RIMS1: variants seen among roughly 807,000 people sequenced by gnomAD.
RIMS1 encodes the protein regulating synaptic membrane exocytosis 1.
In RIMS1, 83 loss-of-function variants were observed where a neutral mutation model predicts 214.1. The observed-to-expected ratio is 0.39, with a 90% CI of 0.32 to 0.47. RIMS1 has a LOEUF of 0.47. Among genes scored for constraint, RIMS1 ranks in the 20% least tolerant of loss-of-function variants. RIMS1 has a pLI of 0.99. For synonymous variants in RIMS1, 793 were observed against 786.8 expected, an observed-to-expected ratio of 1.01 and a Z score of -0.13; for missense variants, 2,050 against 2,161.8, an observed-to-expected ratio of 0.95 and a Z score of 1.03.
chr6:72,245,811 T>A lies in RIMS1; in HGVS notation c.2082-4T>A. 6.2e-7 allele frequency: 1 copy of A among 1,607,792 alleles called. No individual in the cohort carries two copies. Among genetic ancestry groups the A allele is most frequent in the African/African-American group, 1.3e-5 (1 of 74,854 alleles). On this transcript the variant is annotated splice_region_variant and splice_polypyrimidine_tract_variant and intron_variant, in intron 10 of 33. Transcript: ENST00000521978. ...GGATTTTCACCATATCCTGTTTCTTTTAGTGACATTCCCCGGATTCCTGAG... is the reference window on the plus strand; with the variant it reads ...GGATTTTCACCATATCCTGTTTCTTATAGTGACATTCCCCGGATTCCTGAG...
intron 29 of RIMS1, among the ~76,000 whole-genome samples, chr6:72,386,956 G>A (rs557544166): frequency 6.6e-6 from 1 of 151,762 alleles, no homozygotes; most frequent in African/African-American, 2.4e-5. Flanking sequence ...GGATGGTCTC[G>A]ATCTCCTGAC....
chr6:72,256,430 T>C (rs1456116517), intron 16 of RIMS1, among the ~76,000 whole-genome samples: 1 of 152,140 alleles, frequency 6.6e-6, no homozygotes, highest in African/African-American at 2.4e-5. Flanking sequence ...GAGGCATTAA[T>C]TTCTATATAA....
intron 1 of RIMS1, 59 bp downstream of exon 1, chr6:71,887,246 C>G: frequency 6.4e-7 from 1 of 1,552,856 alleles, no homozygotes; most frequent in Non-Finnish European, 8.7e-7. Context: ...CCATTCACCA[C>G]TCACTCCCCT....
At chr6:72,331,326 T>C (rs1388441869) in intron 28 of RIMS1, among the ~76,000 whole-genome samples, 1 of 151,808 alleles carries the variant, frequency 6.6e-6, no homozygotes, top group Non-Finnish European at 1.5e-5. Context: ...TACATGTTAA[T>C]TAATTCATAC....
At chr6:72,024,088 T>G (rs1341377300) in intron 2 of RIMS1, among the ~76,000 whole-genome samples, 1 of 152,160 alleles carries the variant, frequency 6.6e-6, no homozygotes, top group Non-Finnish European at 1.5e-5. Context: ...CTAATTAGCT[T>G]TAAAGGAAAT....
intron 2 of RIMS1, among the ~76,000 whole-genome samples, chr6:72,052,687 T>A (rs556778): frequency 0.56 from 85,775 of 152,054 alleles, 25,206 homozygotes; most frequent in African/African-American, 0.75. Flanking sequence ...AATATGAGAT[T>A]TACTGAGGTT....
At chr6:72,014,994 G>T (rs1033869948) in intron 2 of RIMS1, among the ~76,000 whole-genome samples, 3 of 152,118 alleles carry the variant, frequency 2.0e-5, no homozygotes, top group African/African-American at 7.2e-5. Context: ...AGAAATAAAA[G>T]TTGAATATCC....
At chr6:71,939,225 T>C (rs894769029) in intron 1 of RIMS1, among the ~76,000 whole-genome samples, 6 of 152,228 alleles carry the variant, frequency 3.9e-5, no homozygotes, top group African/African-American at 1.2e-4. Flanking sequence ...GAATGGCCTT[T>C]GCTTTCCATA....
At chr6:71,926,044 C>T (rs535849315) in intron 1 of RIMS1, among the ~76,000 whole-genome samples, 2 of 152,254 alleles carry the variant, frequency 1.3e-5, no homozygotes, top group Admixed American at 1.3e-4. Flanking sequence ...TCAACCGTTA[C>T]TCTCAAAAGT....
intron 1 of RIMS1, among the ~76,000 whole-genome samples, chr6:71,896,014 A>G (rs538151803): frequency 6.6e-6 from 1 of 152,288 alleles, no homozygotes; most frequent in African/African-American, 2.4e-5. Context: ...GTATTGCAAT[A>G]TATTGGAGCT....
At chr6:72,085,368 G>A (rs76458289) in intron 2 of RIMS1, among the ~76,000 whole-genome samples, 1,631 of 152,152 alleles carry the variant, frequency 0.011, 26 homozygotes, top group African/African-American at 0.037. Flanking sequence ...ACACTGTGAT[G>A]CTTTTTAAAA....
intron 2 of RIMS1, among the ~76,000 whole-genome samples, chr6:72,040,857 C>T (rs1448828732): frequency 6.6e-6 from 1 of 151,552 alleles, no homozygotes; most frequent in East Asian, 1.9e-4. Context: ...TTCAGATGTT[C>T]AAAGATGTAA....
At chr6:72,048,158 A>T (rs1823594579) in intron 2 of RIMS1, among the ~76,000 whole-genome samples, 1 of 152,214 alleles carries the variant, frequency 6.6e-6, no homozygotes, top group African/African-American at 2.4e-5. Context: ...AGCACAAAGT[A>T]AGTATTTAAA....
Position 72,192,833 on chromosome 6 carries a change from C to A in RIMS1, c.1678+9684C>A, listed in dbSNP as rs755068943. On this transcript the variant is annotated intron_variant, in intron 6 of 33. Transcript: ENST00000521978. ...TCATGTTCTTCTACCTGCTTTTATTCTGGCTGTGCTGGCAGCTTATGAGAT... is the reference window on the plus strand; with the variant it reads ...TCATGTTCTTCTACCTGCTTTTATTATGGCTGTGCTGGCAGCTTATGAGAT... Among the ~76,000 whole-genome samples the A allele has an allele frequency of 5.3e-5, 8 of 152,316 alleles. No individual in the cohort carries two copies. In the South Asian group the frequency reaches 1.7e-3, roughly 32 times the overall value.
chr6:72,272,971 C>T (rs2084220168), intron 22 of RIMS1, among the ~76,000 whole-genome samples: 1 of 152,110 alleles, frequency 6.6e-6, no homozygotes, highest in African/African-American at 2.4e-5. Context: ...AAAGTTAATG[C>T]AAAATGTTAT....
chr6:71,951,350 C>G (rs1333339059), intron 1 of RIMS1, among the ~76,000 whole-genome samples: 2 of 152,098 alleles, frequency 1.3e-5, no homozygotes, highest in African/African-American at 4.8e-5. Flanking sequence ...GACAACATTG[C>G]CATCACTGTA....
In RIMS1 at chr6:72,081,634, T is replaced by C. The variant is rs552548262; in HGVS notation, c.246-15315T>C. On this transcript the variant is annotated intron_variant, in intron 2 of 33. Coordinates refer to ENST00000521978, the MANE Select transcript of RIMS1 (RefSeq NM_014989.7). Reference sequence around the variant, plus strand: ...ATTACCAAGCAGTGGCTGGTGAGGGTAGAAGAGGTTGTCTGGAGTTGATTA... The same window carrying C: ...ATTACCAAGCAGTGGCTGGTGAGGGCAGAAGAGGTTGTCTGGAGTTGATTA... Among the ~76,000 whole-genome samples, 3 of 152,040 alleles carry C rather than the reference T, an allele frequency of 2.0e-5. No homozygotes were observed. The South Asian group carries it at 6.2e-4, about 32-fold the overall frequency.
At chr6:72,221,306 G>T (rs1163881170) in intron 6 of RIMS1, among the ~76,000 whole-genome samples, 2 of 151,416 alleles carry the variant, frequency 1.3e-5, no homozygotes, top group East Asian at 3.9e-4. Context: ...GTGTGTGTGT[G>T]TGTGTGTGTG....
intron 6 of RIMS1, among the ~76,000 whole-genome samples, chr6:72,196,197 A>G (rs1302914705): frequency 6.6e-6 from 1 of 152,138 alleles, no homozygotes; most frequent in Non-Finnish European, 1.5e-5. Context: ...TTCTTGTAAC[A>G]TTAAGAGGGT....
Sources: gnomAD v4.1 joint callset for allele counts (sites outside exome capture counted in the v4.1 genomes callset) on GRCh38, gnomAD v4.1.1 for gene constraint, MANE v1.5 for transcripts, NCBI Gene and HGNC (gene_info 2026-07-23, HGNC 2026-07-21) for gene names.